The following EYS variants were observed in gnomAD, a reference collection of about 807,000 sequenced individuals.
EYS encodes protein eyes shut homolog.
In EYS, 250 loss-of-function variants were observed where a neutral mutation model predicts 282.1. That is an observed-to-expected ratio of 0.89 (90% CI 0.80 to 0.98). EYS has a LOEUF of 0.98. EYS is among the 50% of genes least tolerant of loss of function. EYS has a pLI of 0.00. For synonymous variants in EYS, 1,355 were observed against 1,282.9 expected, an observed-to-expected ratio of 1.06 and a Z score of -1.20; for missense variants, 4,016 against 3,709.0, an observed-to-expected ratio of 1.08 and a Z score of -2.15.
chr6:65,384,293 G>C (rs1163777134), intron 8 of EYS, 93 bp downstream of exon 8: 9 of 737,918 alleles, frequency 1.2e-5, no homozygotes, highest in African/African-American at 1.7e-5. Flanking sequence ...TGTTTCTCTG[G>C]CTAAGATTAA....
intron 5 of EYS, among the ~76,000 whole-genome samples, chr6:65,443,447 T>A (rs1768504943): frequency 6.7e-6 from 1 of 148,712 alleles, no homozygotes; most frequent in East Asian, 2.0e-4. Context: ...CATATAGCCA[T>A]ATGTACATAT....
chr6:65,285,320 A>G (rs1233592749), intron 12 of EYS, among the ~76,000 whole-genome samples: 3 of 151,962 alleles, frequency 2.0e-5, no homozygotes, highest in Admixed American at 6.6e-5. Context: ...ATTAAAGACA[A>G]TCAACTTTTC....
intron 26 of EYS, among the ~76,000 whole-genome samples, chr6:64,540,560 G>T (rs1764671059): frequency 7.2e-6 from 1 of 139,214 alleles, no homozygotes; most frequent in Non-Finnish European, 1.5e-5. Flanking sequence ...TCGGCTCACT[G>T]CAACCTCTGC....
intron 26 of EYS, among the ~76,000 whole-genome samples, chr6:64,548,416 T>C (rs888047154): frequency 2.0e-5 from 3 of 152,080 alleles, no homozygotes; most frequent in African/African-American, 7.2e-5. Context: ...TAGCAAAGAC[T>C]TAGAACCAAC....
chr6:65,596,117 C>A (rs1311521873), intron 2 of EYS, among the ~76,000 whole-genome samples: 1 of 151,996 alleles, frequency 6.6e-6, no homozygotes, highest in Non-Finnish European at 1.5e-5. Context: ...TCTTTTGAGG[C>A]CTACTGTCAG....
At chr6:65,062,673 T>C (rs1773614153) in intron 12 of EYS, among the ~76,000 whole-genome samples, 1 of 151,964 alleles carries the variant, frequency 6.6e-6, no homozygotes, top group Non-Finnish European at 1.5e-5. Context: ...CTTCTTTAGA[T>C]TATTTTACCA....
chr6:64,159,584 A>C (rs2150300116), intron 31 of EYS, among the ~76,000 whole-genome samples: 1 of 150,204 alleles, frequency 6.7e-6, no homozygotes, highest in East Asian at 1.9e-4. Context: ...AAAAAAAAAA[A>C]AAAGTTTATA....
chr6:64,023,853 A>G (rs893734255), intron 33 of EYS, among the ~76,000 whole-genome samples: 1 of 152,162 alleles, frequency 6.6e-6, no homozygotes, highest in Non-Finnish European at 1.5e-5. Flanking sequence ...GCGTGGGCTC[A>G]GTGGGCCCCG....
chr6:65,265,388 GTA>G (rs1255412952), intron 12 of EYS, among the ~76,000 whole-genome samples: 1 of 152,010 alleles, frequency 6.6e-6, no homozygotes, highest in Non-Finnish European at 1.5e-5. Context: ...AGGGGATAAG[GTA>G]TTTAAAGCAG....
intron 8 of EYS, among the ~76,000 whole-genome samples, chr6:65,372,236 T>C (rs1464182456): frequency 6.6e-6 from 1 of 152,110 alleles, no homozygotes; most frequent in African/African-American, 2.4e-5. Flanking sequence ...GCTCCGATGC[T>C]ATTTTCTTTG....
At position 63,962,949 on chromosome 6, in the gene EYS, G is replaced by A. The variant is rs561462018; in HGVS notation, c.7055+21434C>T. ...CAGCCATAAAAAAGAATGAGTTCAT[G>A]TCCTTTGTAGGGACATGGATGAAGC... On this transcript the variant is annotated intron_variant, in intron 35 of 42. Transcript: ENST00000503581. Among the ~76,000 whole-genome samples the A allele has an allele frequency of 1.2e-3, 180 of 152,250 alleles. 2 individuals are homozygous for A. The highest frequency in any genetic ancestry group is 4.2e-3 in the African/African-American group (175 of 41,534).
chr6:64,062,963 G>A (rs1269857331), intron 33 of EYS, among the ~76,000 whole-genome samples: 1 of 152,094 alleles, frequency 6.6e-6, no homozygotes, highest in Non-Finnish European at 1.5e-5. Flanking sequence ...TCAGGTCATG[G>A]AATCATGTGG....
At chr6:65,488,272 T>A (rs527762793) in intron 5 of EYS, among the ~76,000 whole-genome samples, 1 of 152,178 alleles carries the variant, frequency 6.6e-6, no homozygotes, top group Non-Finnish European at 1.5e-5. Flanking sequence ...TGTTAGGATG[T>A]CGATTTTAGA....
intron 31 of EYS, among the ~76,000 whole-genome samples, chr6:64,140,748 T>C (rs1404921281): frequency 1.3e-5 from 2 of 152,122 alleles, no homozygotes; most frequent in African/African-American, 4.8e-5. Flanking sequence ...CTTCTCCCCT[T>C]AGGCACTGGG....
chr6:64,487,745 T>C (rs964184003), intron 26 of EYS, among the ~76,000 whole-genome samples: 1 of 151,010 alleles, frequency 6.6e-6, no homozygotes, highest in Non-Finnish European at 1.5e-5. Flanking sequence ...TATGCCTCTG[T>C]ACTAGATTGT....
At chr6:64,499,359 C>A (rs1173144652) in intron 26 of EYS, among the ~76,000 whole-genome samples, 1 of 152,132 alleles carries the variant, frequency 6.6e-6, no homozygotes, top group Non-Finnish European at 1.5e-5. Context: ...ACAGAAAATT[C>A]CCCTGGCTAA....
intron 28 of EYS, among the ~76,000 whole-genome samples, chr6:64,419,882 T>A (rs908279785): frequency 6.6e-6 from 1 of 152,204 alleles, no homozygotes; most frequent in Non-Finnish European, 1.5e-5. Flanking sequence ...CATTCTGGGG[T>A]CTGGAGAACA....
At chr6:65,214,298 T>C (rs1031246055) in intron 12 of EYS, among the ~76,000 whole-genome samples, 6 of 149,850 alleles carry the variant, frequency 4.0e-5, no homozygotes, top group African/African-American at 1.5e-4. Flanking sequence ...ACTTCAGTGA[T>C]ACAAGGAATG....
At chr6:65,177,006 A>C in intron 12 of EYS, among the ~76,000 whole-genome samples, 1 of 151,726 alleles carries the variant, frequency 6.6e-6, no homozygotes, top group East Asian at 1.9e-4. Flanking sequence ...CACTATGATA[A>C]TTTAAGTGTT....
Sources: gnomAD v4.1 joint callset for allele counts (sites outside exome capture counted in the v4.1 genomes callset) on GRCh38, gnomAD v4.1.1 for gene constraint, MANE v1.5 for transcripts, NCBI Gene and HGNC (gene_info 2026-07-23, HGNC 2026-07-21) for gene names.